The following ZBTB7C variants were observed in gnomAD, a reference collection of about 807,000 sequenced individuals.
ZBTB7C encodes the protein zinc finger and BTB domain-containing protein 7C.
ZBTB7C carries 8 observed loss-of-function variants against 25.7 expected under a neutral mutation model. The ratio of observed to expected loss-of-function variants is 0.31; its 90% CI spans 0.18 to 0.56. ZBTB7C has a LOEUF of 0.56. Among genes scored for constraint, ZBTB7C ranks in the 20% least tolerant of loss-of-function variants. ZBTB7C has a pLI of 0.91. For missense variants in ZBTB7C, 824 were observed against 855.2 expected, an observed-to-expected ratio of 0.96 and a Z score of 0.46; for synonymous variants, 394 against 369.0, an observed-to-expected ratio of 1.07 and a Z score of -0.78.
chr18:48,319,274 C>T (rs2144842922), intron 2 of ZBTB7C, among the ~76,000 whole-genome samples: 1 of 152,190 alleles, frequency 6.6e-6, no homozygotes, highest in African/African-American at 2.4e-5. Context: ...TTTTCTGGAG[C>T]CACACACACT....
chr18:48,336,617 T>C (rs575121714), intron 2 of ZBTB7C, among the ~76,000 whole-genome samples: 1 of 152,250 alleles, frequency 6.6e-6, no homozygotes, highest in East Asian at 1.9e-4. Context: ...TCAGTAAACA[T>C]TAGTAACATA....
chr18:48,058,768 A>G (rs1040285647), intron 3 of ZBTB7C, among the ~76,000 whole-genome samples: 10 of 152,224 alleles, frequency 6.6e-5, no homozygotes, highest in Non-Finnish European at 1.2e-4. Context: ...CGAGGCTATA[A>G]GAGATATTGC....
At chr18:48,130,297 T>G (rs2039947435) in intron 3 of ZBTB7C, among the ~76,000 whole-genome samples, 1 of 152,162 alleles carries the variant, frequency 6.6e-6, no homozygotes, top group African/African-American at 2.4e-5. Context: ...TGAGTGACAT[T>G]CTGGGCCGCT....
intron 4 of ZBTB7C, among the ~76,000 whole-genome samples, chr18:48,035,689 T>C (rs973869721): frequency 6.6e-6 from 1 of 152,244 alleles, no homozygotes; most frequent in East Asian, 1.9e-4. Context: ...AGTGTCCCTG[T>C]GCATGAAGAC....
chr18:48,212,241 T>TTA (rs1371581573), intron 2 of ZBTB7C, among the ~76,000 whole-genome samples: 1 of 152,104 alleles, frequency 6.6e-6, no homozygotes, highest in East Asian at 1.9e-4. Context: ...CTGGAAAAGG[T>TTA]TACATACTAT....
chr18:48,258,060 C>T (rs1027334273), intron 2 of ZBTB7C, among the ~76,000 whole-genome samples: 23 of 151,982 alleles, frequency 1.5e-4, no homozygotes, highest in Admixed American at 1.5e-3. Context: ...AACAAAAATA[C>T]GCTTGGAATA....
intron 3 of ZBTB7C, among the ~76,000 whole-genome samples, chr18:48,141,141 G>GCCCCC (rs1252993151): frequency 9.1e-5 from 8 of 88,294 alleles, no homozygotes; most frequent in African/African-American, 1.7e-4. Flanking sequence ...CATCCCCCCC[G>GCCCCC]CACCACCCCC....
At chr18:48,316,359 C>T (rs1241773295) in intron 2 of ZBTB7C, among the ~76,000 whole-genome samples, 3 of 152,200 alleles carry the variant, frequency 2.0e-5, no homozygotes, top group South Asian at 2.1e-4. Context: ...ACTCCTCCTC[C>T]ACCCCCAGCC....
chr18:48,173,772 G>A (rs1398907388), intron 3 of ZBTB7C, among the ~76,000 whole-genome samples: 2 of 152,152 alleles, frequency 1.3e-5, no homozygotes, highest in African/African-American at 4.8e-5. Context: ...CAACCCAAAG[G>A]ACCTCTCCCT....
intron 1 of ZBTB7C, among the ~76,000 whole-genome samples, chr18:48,345,552 AC>A (rs776547989): frequency 6.7e-6 from 1 of 149,260 alleles, no homozygotes; most frequent in Non-Finnish European, 1.5e-5. Flanking sequence ...CGCCCCCCAC[AC>A]CCCCAGACCT....
chr18:48,029,298 G>T lies in ZBTB7C; in HGVS notation c.1822C>A (p.Leu608Ile). The change falls in exon 5 of 5, where the codon CTC (leucine) becomes ATC (isoleucine). Residue 608 changes from leucine to isoleucine, a missense_variant. By Grantham distance (5) the Leu-to-Ile change is conservative. Around this residue, in one of 4 missense-constraint regions of ZBTB7C, gnomAD observed 342 missense variants for 307.0 expected, o/e 1.11. Coordinates refer to ENST00000590800, the MANE Select transcript of ZBTB7C (RefSeq NM_001318841.2). Reference sequence around the variant, plus strand: ...TCGGACATGGAGGCCACGTGGTTGAGGCCGGCGAGCCCAGGGAGGCCGGCC... The same window carrying T: ...TCGGACATGGAGGCCACGTGGTTGATGCCGGCGAGCCCAGGGAGGCCGGCC... ...GLAGLPGLAG[L>I]NHVASMSEAN... 6.5e-7 allele frequency: 1 copy of T among 1,537,648 alleles called. No individual in the cohort carries two copies. The highest frequency in any genetic ancestry group is 2.4e-5 in the East Asian group (1 of 41,074).
intron 3 of ZBTB7C, among the ~76,000 whole-genome samples, chr18:48,092,389 G>T (rs1366500674): frequency 6.6e-6 from 1 of 152,202 alleles, no homozygotes; most frequent in Non-Finnish European, 1.5e-5. Flanking sequence ...ACTGGTTATT[G>T]TTCTTCACAA....
intron 1 of ZBTB7C, among the ~76,000 whole-genome samples, chr18:48,354,240 G>A (rs1244631248): frequency 4.6e-5 from 7 of 152,132 alleles, no homozygotes; most frequent in Middle Eastern, 3.4e-3. Context: ...GCCCAGGCTG[G>A]CCTCAAACTC....
chr18:48,360,357 A>G (rs1206867040), intron 1 of ZBTB7C, among the ~76,000 whole-genome samples: 1 of 152,228 alleles, frequency 6.6e-6, no homozygotes, highest in East Asian at 1.9e-4. Context: ...GACAATGAAT[A>G]TTTCTCAAAT....
At chr18:48,074,284 G>A (rs1158037451) in intron 3 of ZBTB7C, among the ~76,000 whole-genome samples, 1 of 152,206 alleles carries the variant, frequency 6.6e-6, no homozygotes, top group Non-Finnish European at 1.5e-5. Flanking sequence ...AAAGTGCTGG[G>A]ATTACAGATG....
At chr18:48,038,536 A>G (rs2036073742) in intron 4 of ZBTB7C, among the ~76,000 whole-genome samples, 2 of 150,832 alleles carry the variant, frequency 1.3e-5, no homozygotes, top group African/African-American at 4.9e-5. Flanking sequence ...TCATGACTTT[A>G]GAGGACTCAT....
chr18:48,139,898 G>GCCT (rs900383089), intron 3 of ZBTB7C, among the ~76,000 whole-genome samples: 10 of 151,918 alleles, frequency 6.6e-5, no homozygotes, highest in Middle Eastern at 3.2e-3. Context: ...GCCCTCTTTG[G>GCCT]CCTCCTCCTC....
intron 3 of ZBTB7C, among the ~76,000 whole-genome samples, chr18:48,136,341 T>A (rs1345977704): frequency 3.3e-5 from 5 of 152,126 alleles, no homozygotes; most frequent in Admixed American, 2.6e-4. Flanking sequence ...CACCCCCAGG[T>A]TGGAGTCCAG....
At chr18:48,376,676 G>A (rs997178555) in intron 1 of ZBTB7C, among the ~76,000 whole-genome samples, 3 of 152,250 alleles carry the variant, frequency 2.0e-5, no homozygotes, top group African/African-American at 7.2e-5. Flanking sequence ...CAGTCTGGGT[G>A]TACAACCCCT....
Sources: allele counts gnomAD v4.1 joint callset (sites outside exome capture counted in the v4.1 genomes callset), GRCh38; gene constraint gnomAD v4.1.1; regional missense constraint gnomAD v4.1.1; transcripts MANE v1.5; gene names NCBI Gene and HGNC (gene_info 2026-07-23, HGNC 2026-07-21).